Variants in EYS observed in about 807,000 individuals in gnomAD.
The protein encoded by EYS is EGF-like photoreceptor maintenance factor.
Under a neutral mutation model 282.1 loss-of-function variants are expected in EYS, and 250 were observed. That is an observed-to-expected ratio of 0.89 (90% CI 0.80 to 0.98). EYS has a LOEUF of 0.98. Among genes scored for constraint, EYS ranks in the 50% least tolerant of loss-of-function variants. The probability of loss-of-function intolerance (pLI) is 0.00; values close to 1 mark genes in which losing one functional copy is unlikely to be tolerated. For synonymous variants in EYS, 1,355 were observed against 1,282.9 expected (o/e 1.06, Z -1.20); for missense variants, 4,016 against 3,709.0 (o/e 1.08, Z -2.15).
chr6:64,261,435 G>C (rs1582501271), intron 30 of EYS, among the ~76,000 whole-genome samples: 1 of 151,970 alleles, frequency 6.6e-6, no homozygotes, highest in Non-Finnish European at 1.5e-5. Context: ...ACTTTACTTT[G>C]TATTTATTTT....
rs529433089 is a variant in EYS at position 63,847,247 on chromosome 6, G to A, written c.7228+16939C>T. ...GTTTTTCAGTTAAACAAAGGAAGGC[G>A]TGTGGAACACTCAACATTGTGGGAA... is the stretch of plus-strand genomic sequence containing the variant. On this transcript the variant is annotated intron_variant, in intron 36 of 42. Transcript: ENST00000503581. Among the ~76,000 whole-genome samples the A allele has an allele frequency of 1.4e-4, 22 of 152,268 alleles. 1 individual carries two copies. Among genetic ancestry groups the A allele is most frequent in the South Asian group, 4.1e-4 (2 of 4,832 alleles).
At chr6:65,049,887 T>C (rs1554146123) in intron 13 of EYS, among the ~76,000 whole-genome samples, 1 of 151,688 alleles carries the variant, frequency 6.6e-6, no homozygotes, top group Non-Finnish European at 1.5e-5. Context: ...GGGCCGTACA[T>C]TAACTTGTTG....
intron 5 of EYS, among the ~76,000 whole-genome samples, chr6:65,479,617 T>C (rs1394554804): frequency 6.6e-6 from 1 of 152,156 alleles, no homozygotes; most frequent in Non-Finnish European, 1.5e-5. Flanking sequence ...CTGAACTGTA[T>C]TTCCATATAT....
chr6:64,997,786 T>C (rs1771320367), intron 13 of EYS, 83 bp from the exon 14 acceptor site: 1 of 1,280,452 alleles, frequency 7.8e-7, no homozygotes, highest in Non-Finnish European at 1.1e-6. Flanking sequence ...AATTCTATAA[T>C]CATTTATGTA....
At chr6:64,899,118 C>A (rs1446341539) in intron 18 of EYS, among the ~76,000 whole-genome samples, 3 of 152,180 alleles carry the variant, frequency 2.0e-5, no homozygotes, top group African/African-American at 7.2e-5. Flanking sequence ...TAATAGACAT[C>A]TACAGAACTC....
chr6:65,620,037 A>C (rs140493179), intron 2 of EYS, among the ~76,000 whole-genome samples: 1 of 152,118 alleles, frequency 6.6e-6, no homozygotes, highest in Non-Finnish European at 1.5e-5. Context: ...TGTCTCTGCC[A>C]GGCTTTGGTA....
intron 1 of EYS, among the ~76,000 whole-genome samples, chr6:65,678,100 G>C (rs1423577699): frequency 6.6e-6 from 1 of 151,982 alleles, no homozygotes; most frequent in East Asian, 1.9e-4. Context: ...CATTGTGAAG[G>C]GAACGGGAGC....
chr6:63,824,131 C>T (rs1276465826), intron 36 of EYS, among the ~76,000 whole-genome samples: 1 of 152,166 alleles, frequency 6.6e-6, no homozygotes, highest in Non-Finnish European at 1.5e-5. Flanking sequence ...TATAACGTAA[C>T]TATAATATGT....
chr6:65,199,086 T>G (rs979909733), intron 12 of EYS, among the ~76,000 whole-genome samples: 11 of 152,080 alleles, frequency 7.2e-5, no homozygotes, highest in Non-Finnish European at 1.5e-4. Context: ...AGTAAACAAT[T>G]AGGTTGCTTT....
chr6:65,236,599 C>G (rs1294475208), intron 12 of EYS, among the ~76,000 whole-genome samples: 2 of 146,930 alleles, frequency 1.4e-5, no homozygotes, highest in Admixed American at 6.8e-5. Context: ...CAGAGTGAGA[C>G]TCTGTCTCAA....
chr6:64,496,629 T>G (rs530383196), intron 26 of EYS, among the ~76,000 whole-genome samples: 1 of 152,154 alleles, frequency 6.6e-6, no homozygotes, highest in South Asian at 2.1e-4. Flanking sequence ...CATATTTTCT[T>G]TTGGTATTAT....
intron 5 of EYS, among the ~76,000 whole-genome samples, chr6:65,463,472 A>G (rs965098299): frequency 6.6e-6 from 1 of 152,152 alleles, no homozygotes; most frequent in African/African-American, 2.4e-5. Context: ...TTATTAACCT[A>G]TCATATATTA....
chr6:63,939,020 G>A (rs1765154992), intron 35 of EYS, among the ~76,000 whole-genome samples: 1 of 152,170 alleles, frequency 6.6e-6, no homozygotes, highest in Non-Finnish European at 1.5e-5. Flanking sequence ...AATTCAAGCT[G>A]TGGGGATTGA....
chr6:65,270,955 A>G (rs928943397), intron 12 of EYS, among the ~76,000 whole-genome samples: 1 of 151,442 alleles, frequency 6.6e-6, no homozygotes, highest in African/African-American at 2.4e-5. Flanking sequence ...AATTGTCTTT[A>G]AAAGTCTCTT....
At chr6:65,099,961 CAT>C (rs1174659795) in intron 12 of EYS, among the ~76,000 whole-genome samples, 5 of 150,834 alleles carry the variant, frequency 3.3e-5, no homozygotes, top group East Asian at 1.9e-4. Context: ...GTGACAATGA[CAT>C]GTGATTATCC....
intron 10 of EYS, 52 bp from the exon 11 acceptor site, chr6:65,335,198 A>G (rs760734959): frequency 3.2e-6 from 4 of 1,252,100 alleles, no homozygotes; most frequent in East Asian, 2.3e-5. Context: ...ACTTACTACA[A>G]TATTACAATT....
At chr6:65,384,308 A>C (rs1765721455) in intron 8 of EYS, 78 bp downstream of exon 8, 1 of 784,484 alleles carries the variant, frequency 1.3e-6, no homozygotes, top group South Asian at 1.4e-5. Context: ...GATTAATAAG[A>C]GCATTTGAAA....
intron 31 of EYS, among the ~76,000 whole-genome samples, chr6:64,164,540 T>C (rs1582368536): frequency 6.6e-6 from 1 of 152,134 alleles, no homozygotes; most frequent in East Asian, 1.9e-4. Flanking sequence ...CTTTGCACTA[T>C]ACTAAAAGCT....
chr6:65,623,483 T>C (rs905181524), intron 2 of EYS, among the ~76,000 whole-genome samples: 2 of 152,164 alleles, frequency 1.3e-5, no homozygotes, highest in African/African-American at 4.8e-5. Flanking sequence ...AATAAGTAAA[T>C]TTATCTTTAA....
Sources: allele counts gnomAD v4.1 joint callset (sites outside exome capture counted in the v4.1 genomes callset), GRCh38; gene constraint gnomAD v4.1.1; transcripts MANE v1.5; gene names NCBI Gene and HGNC (gene_info 2026-07-23, HGNC 2026-07-21).